RBFOX1: variants seen among roughly 807,000 people sequenced by gnomAD.
RBFOX1 encodes the protein RNA binding protein fox-1 homolog 1.
Under a neutral mutation model 57.7 loss-of-function variants are expected in RBFOX1, and 8 were observed. The ratio of observed to expected loss-of-function variants is 0.14; its 90% CI spans 0.08 to 0.25. The LOEUF is 0.25. Among genes scored for constraint, RBFOX1 ranks in the 10% least tolerant of loss-of-function variants. RBFOX1 has a pLI of 1.00. For synonymous variants in RBFOX1, 326 were observed against 222.4 expected (o/e 1.47, Z -4.15); for missense variants, 611 against 548.5 (o/e 1.11, Z -1.14).
chr16:5,881,594 C>T (rs561944650), intron 4 of RBFOX1, among the ~76,000 whole-genome samples: 2 of 152,190 alleles, frequency 1.3e-5, no homozygotes, highest in East Asian at 3.9e-4. Context: ...GTGGGAGGAG[C>T]ATTTGAACCT....
At chr16:5,732,427 T>C (rs899951430) in intron 3 of RBFOX1, among the ~76,000 whole-genome samples, 4 of 152,172 alleles carry the variant, frequency 2.6e-5, no homozygotes, top group African/African-American at 9.7e-5. Context: ...GGCAGTATGA[T>C]TGTCTCTCCA....
intron 1 of RBFOX1, among the ~76,000 whole-genome samples, chr16:6,237,489 T>C (rs961888390): frequency 6.6e-6 from 1 of 152,050 alleles, no homozygotes; most frequent in African/African-American, 2.4e-5. Flanking sequence ...GAAAAAGAAA[T>C]ACCTGCCTTA....
At chr16:7,214,088 A>AAAT (rs770099717) in intron 4 of RBFOX1, among the ~76,000 whole-genome samples, 6 of 150,204 alleles carry the variant, frequency 4.0e-5, no homozygotes, top group Admixed American at 2.0e-4. Context: ...AAAAAAAAAA[A>AAAT]TTTTTCCACT....
Position 6,019,555 on chromosome 16 carries a change from C to T in RBFOX1, c.-564C>T, listed in dbSNP as rs1003022646. On this transcript the variant is annotated 5_prime_UTR_variant, in exon 1 of 16. Coordinates refer to ENST00000550418, the MANE Select transcript of RBFOX1 (RefSeq NM_018723.4). This position sits in a 1 kb window ranked among gnomAD's most constrained non-coding sequence, Gnocchi z 4.2. Reference sequence around the variant, plus strand: ...CCAGCCCCGGGAACAGCAGAGGCGGCGGCACTGGCTGGACCCACGCGCGCG... The same window carrying T: ...CCAGCCCCGGGAACAGCAGAGGCGGTGGCACTGGCTGGACCCACGCGCGCG... 5 of 1,123,320 alleles carry T rather than the reference C, an allele frequency of 4.5e-6. No homozygotes were observed. The highest frequency in any genetic ancestry group is 4.4e-5 in the South Asian group (1 of 22,696). 69.6% of individuals were successfully genotyped at this position (1,123,320 alleles called of 1,614,324 possible).
intron 1 of RBFOX1, among the ~76,000 whole-genome samples, chr16:5,297,158 T>C (rs2063690218): frequency 6.6e-6 from 1 of 152,228 alleles, no homozygotes; most frequent in South Asian, 2.1e-4. Flanking sequence ...ATTTATCTTT[T>C]GATGGATACT....
intron 3 of RBFOX1, among the ~76,000 whole-genome samples, chr16:6,961,165 A>ACACACACACACACACACACACACACAC (rs1461621694): frequency 2.2e-4 from 33 of 150,654 alleles, no homozygotes; most frequent in Admixed American, 1.1e-3. Flanking sequence ...ACACACACGC[A>ACACACACACACACACACACACACACAC]AAAGAAAGAA....
At chr16:6,055,154 A>AT (rs1310668668) in intron 1 of RBFOX1, among the ~76,000 whole-genome samples, 1 of 152,058 alleles carries the variant, frequency 6.6e-6, no homozygotes, top group African/African-American at 2.4e-5. Flanking sequence ...CATTTATAGT[A>AT]TTTTGGAATG....
chr16:5,797,869 C>T (rs747574635), intron 3 of RBFOX1, among the ~76,000 whole-genome samples: 1 of 152,116 alleles, frequency 6.6e-6, no homozygotes, highest in African/African-American at 2.4e-5. Flanking sequence ...GGCCTTAGAA[C>T]AAGCAGGACA....
intron 3 of RBFOX1, among the ~76,000 whole-genome samples, chr16:6,917,235 C>A (rs1423506385): frequency 2.0e-5 from 3 of 152,136 alleles, no homozygotes; most frequent in Non-Finnish European, 4.4e-5. Context: ...CCACCTTGGT[C>A]CCCGCTCTCA....
chr16:5,823,233 G>T (rs548351585), intron 3 of RBFOX1, among the ~76,000 whole-genome samples: 1 of 152,240 alleles, frequency 6.6e-6, no homozygotes, highest in African/African-American at 2.4e-5. Context: ...TGCTATTCTA[G>T]CATAAGTCCT....
At chr16:7,034,173 T>TGGGTTTGAC in intron 3 of RBFOX1, among the ~76,000 whole-genome samples, 1 of 152,132 alleles carries the variant, frequency 6.6e-6, no homozygotes, top group Non-Finnish European at 1.5e-5. Context: ...TCAAATAGCC[T>TGGGTTTGAC]GGGTTTGACT....
intron 4 of RBFOX1, among the ~76,000 whole-genome samples, chr16:7,195,660 C>T (rs576312686): frequency 3.9e-5 from 6 of 152,260 alleles, no homozygotes; most frequent in East Asian, 1.9e-4. Flanking sequence ...CAGGTTCAAG[C>T]GATAGCCTCA....
intron 4 of RBFOX1, among the ~76,000 whole-genome samples, chr16:5,986,407 C>G (rs186282157): frequency 3.7e-4 from 56 of 152,308 alleles, no homozygotes; most frequent in African/African-American, 4.1e-4. Flanking sequence ...ACAGGCAGTT[C>G]TGATCAGAAA....
intron 4 of RBFOX1, among the ~76,000 whole-genome samples, chr16:7,326,190 A>G (rs2096609327): frequency 6.6e-6 from 1 of 152,198 alleles, no homozygotes; most frequent in African/African-American, 2.4e-5. Context: ...GCAGGCAAAC[A>G]CAGGGATTGA....
intron 2 of RBFOX1, among the ~76,000 whole-genome samples, chr16:6,503,377 C>G (rs2095996152): frequency 6.6e-6 from 1 of 152,116 alleles, no homozygotes; most frequent in African/African-American, 2.4e-5. Flanking sequence ...TAACAGTTAG[C>G]TTTTGCTGGT....
chr16:7,617,695 C>G (rs1027692007), intron 10 of RBFOX1, among the ~76,000 whole-genome samples: 9 of 152,162 alleles, frequency 5.9e-5, no homozygotes, highest in Non-Finnish European at 1.5e-5. Context: ...GTATCGGGCG[C>G]TAGACACTGT....
intron 4 of RBFOX1, among the ~76,000 whole-genome samples, chr16:7,128,845 G>A (rs1476179755): frequency 1.4e-5 from 2 of 139,814 alleles, no homozygotes; most frequent in Admixed American, 7.4e-5. Context: ...TTTTTAAGAC[G>A]GAGTCTCACT....
chr16:6,964,444 T>A (rs1397395474), intron 3 of RBFOX1, among the ~76,000 whole-genome samples: 2 of 152,152 alleles, frequency 1.3e-5, no homozygotes, highest in African/African-American at 4.8e-5. Flanking sequence ...ATGGAAACTC[T>A]GCTCTTTGGG....
In RBFOX1 at chr16:7,345,427, A is replaced by G. The variant is rs140429880; in HGVS notation, c.28-172720A>G. On this transcript the variant is annotated intron_variant, in intron 4 of 15. Coordinates refer to ENST00000550418, the MANE Select transcript of RBFOX1 (RefSeq NM_018723.4). ...CCTGTATTTGCCTGTAGCATTTTCC[A>G]TGAATTTTGGTGGGGGCTTAAGGAT... Among the ~76,000 whole-genome samples the G allele has an allele frequency of 3.2e-3, 488 of 152,220 alleles. 3 individuals are homozygous for G. The Middle Eastern group carries it at 0.048, about 15-fold the overall frequency.
Sources: allele counts gnomAD v4.1 joint callset (sites outside exome capture counted in the v4.1 genomes callset), GRCh38; gene constraint gnomAD v4.1.1; non-coding constraint Gnocchi (gnomAD v3.1); transcripts MANE v1.5; gene names NCBI Gene and HGNC (gene_info 2026-07-23, HGNC 2026-07-21).